Variants in SPAG16 observed in about 807,000 individuals in gnomAD.
SPAG16 encodes sperm-associated antigen 16 protein.
SPAG16 carries 86 observed loss-of-function variants against 80.4 expected under a neutral mutation model. That is an observed-to-expected ratio of 1.07 (90% CI 0.90 to 1.28). The LOEUF (loss-of-function observed/expected upper bound fraction) is 1.28. Ranked by LOEUF, SPAG16 falls within the 50% of genes most tolerant of loss-of-function variation. The probability of loss-of-function intolerance (pLI) is 0.00; values close to 1 mark genes in which losing one functional copy is unlikely to be tolerated. For missense variants in SPAG16, 870 were observed against 765.3 expected (o/e 1.14, Z -1.61); for synonymous variants, 294 against 265.9 (o/e 1.11, Z -1.03).
chr2:213,783,054 G>A (rs1293254260), intron 10 of SPAG16, among the ~76,000 whole-genome samples: 5 of 74,562 alleles, frequency 6.7e-5, no homozygotes, highest in Non-Finnish European at 1.0e-4. Flanking sequence ...CCCCTCCCCC[G>A]ACCCCACCAC....
intron 10 of SPAG16, among the ~76,000 whole-genome samples, chr2:213,557,488 A>G (rs1446561017): frequency 6.6e-6 from 1 of 152,108 alleles, no homozygotes; most frequent in East Asian, 1.9e-4. Flanking sequence ...AGAATAGAGT[A>G]TTCTGAAAAC....
chr2:213,996,361 A>T (rs551042804), intron 12 of SPAG16, among the ~76,000 whole-genome samples: 1 of 152,288 alleles, frequency 6.6e-6, no homozygotes, highest in East Asian at 1.9e-4. Flanking sequence ...GAGACATGGA[A>T]ATTAAATCAT....
chr2:214,014,944 A>G (rs981426252), intron 13 of SPAG16, among the ~76,000 whole-genome samples: 1 of 152,208 alleles, frequency 6.6e-6, no homozygotes, highest in African/African-American at 2.4e-5. Flanking sequence ...GAAGCCAGAA[A>G]TAGATACTTC....
chr2:213,807,862 A>G (rs1575193830), intron 10 of SPAG16, among the ~76,000 whole-genome samples: 1 of 152,202 alleles, frequency 6.6e-6, no homozygotes, highest in Admixed American at 6.5e-5. Flanking sequence ...CTTGGTTTAC[A>G]CTGGTTGTTT....
intron 15 of SPAG16, among the ~76,000 whole-genome samples, chr2:214,265,546 T>C (rs940365146): frequency 4.6e-5 from 7 of 152,042 alleles, no homozygotes; most frequent in Non-Finnish European, 1.0e-4. Flanking sequence ...TTTCTCCCAG[T>C]CTTTAGTTTA....
At chr2:214,044,191 T>A (rs1259968685) in intron 13 of SPAG16, among the ~76,000 whole-genome samples, 1 of 152,198 alleles carries the variant, frequency 6.6e-6, no homozygotes, top group South Asian at 2.1e-4. Context: ...ATAATAGCAA[T>A]CTTTACATAT....
At chr2:213,453,713 G>A (rs1399051612) in intron 9 of SPAG16, among the ~76,000 whole-genome samples, 1 of 152,140 alleles carries the variant, frequency 6.6e-6, no homozygotes, top group African/African-American at 2.4e-5. Context: ...AGTGAGTGTG[G>A]CACTGATGGC....
chr2:214,104,776 G>C (rs1389727927), intron 13 of SPAG16, among the ~76,000 whole-genome samples: 1 of 152,054 alleles, frequency 6.6e-6, no homozygotes, highest in African/African-American at 2.4e-5. Context: ...AGGAAAGAGG[G>C]GACTCACGGA....
At chr2:214,340,836 C>T (rs1394258798) in intron 15 of SPAG16, among the ~76,000 whole-genome samples, 1 of 152,172 alleles carries the variant, frequency 6.6e-6, no homozygotes, top group African/African-American at 2.4e-5. Flanking sequence ...GGGTTTTCAT[C>T]TCCACTCAGA....
chr2:214,306,446 A>G (rs774383839), intron 15 of SPAG16, among the ~76,000 whole-genome samples: 84 of 152,072 alleles, frequency 5.5e-4, no homozygotes, highest in Non-Finnish European at 8.2e-4. Flanking sequence ...GCATCCTTAT[A>G]TTGTGCCAAT....
intron 15 of SPAG16, among the ~76,000 whole-genome samples, chr2:214,268,260 G>T (rs775824786): frequency 1.4e-4 from 21 of 151,832 alleles, no homozygotes; most frequent in South Asian, 4.2e-4. Context: ...CAGTATGAAC[G>T]TTCCTTTATT....
At chr2:213,325,863 C>T (rs2063818752) in intron 5 of SPAG16, among the ~76,000 whole-genome samples, 1 of 151,688 alleles carries the variant, frequency 6.6e-6, no homozygotes. Flanking sequence ...TTCACTATAC[C>T]CACGGGGCCT....
chr2:213,331,341 A>G (rs2064096897), intron 5 of SPAG16, among the ~76,000 whole-genome samples: 2 of 152,234 alleles, frequency 1.3e-5, no homozygotes, highest in Non-Finnish European at 2.9e-5. Flanking sequence ...ATTTACCGTC[A>G]TAAGAATGTC....
chr2:214,068,536 C>T (rs561240361), intron 13 of SPAG16, among the ~76,000 whole-genome samples: 4 of 152,110 alleles, frequency 2.6e-5, no homozygotes, highest in East Asian at 3.9e-4. Flanking sequence ...TGACTCAGAG[C>T]TTTTCCTAGG....
At chr2:214,145,679 TA>T (rs1357910233) in intron 14 of SPAG16, among the ~76,000 whole-genome samples, 2 of 152,196 alleles carry the variant, frequency 1.3e-5, no homozygotes. Context: ...ATCTCAGCTG[TA>T]CCCTTTGTCC....
intron 14 of SPAG16, among the ~76,000 whole-genome samples, chr2:214,109,596 C>A (rs1434489882): frequency 6.6e-6 from 1 of 152,290 alleles, no homozygotes; most frequent in East Asian, 1.9e-4. Flanking sequence ...AAAATTATAT[C>A]TACTAAGGGA....
At chr2:214,100,326 T>C (rs750354147) in intron 13 of SPAG16, among the ~76,000 whole-genome samples, 9 of 152,090 alleles carry the variant, frequency 5.9e-5, no homozygotes, top group Non-Finnish European at 1.3e-4. Context: ...AATATAAAAA[T>C]TGATTTAACA....
intron 10 of SPAG16, among the ~76,000 whole-genome samples, chr2:213,658,638 A>T (rs768523038): frequency 6.6e-6 from 1 of 152,194 alleles, no homozygotes; most frequent in Admixed American, 6.5e-5. Context: ...GCAGAGCTGG[A>T]TCAAATGTAA....
chr2:213,867,448 C>T (rs1222889686), intron 11 of SPAG16, among the ~76,000 whole-genome samples: 1 of 150,122 alleles, frequency 6.7e-6, no homozygotes, highest in Admixed American at 6.7e-5. Context: ...CTCACCATTG[C>T]CAGTCTTTTC....
Sources: allele counts gnomAD v4.1 joint callset (sites outside exome capture counted in the v4.1 genomes callset), GRCh38; gene constraint gnomAD v4.1.1; transcripts MANE v1.5; gene names NCBI Gene and HGNC (gene_info 2026-07-23, HGNC 2026-07-21).